Variants in DENND1A observed in about 807,000 individuals in gnomAD.
DENND1A encodes the protein DENN domain containing 1A.
In DENND1A, 51 loss-of-function variants were observed where a neutral mutation model predicts 113.7. The observed-to-expected ratio is 0.45, with a 90% confidence interval of 0.36 to 0.57. The LOEUF is 0.57. Ranked by LOEUF, DENND1A falls within the 20% of genes least tolerant of loss-of-function variation. The pLI is 0.00. For missense variants in DENND1A, 1,258 were observed against 1,395.9 expected, an observed-to-expected ratio of 0.90 and a Z score of 1.57; for synonymous variants, 565 against 570.8, an observed-to-expected ratio of 0.99 and a Z score of 0.14.
intron 5 of DENND1A, among the ~76,000 whole-genome samples, chr9:123,750,134 C>T (rs564384668): frequency 3.9e-5 from 6 of 152,312 alleles, no homozygotes; most frequent in South Asian, 2.1e-4. Flanking sequence ...CTTCCAACTG[C>T]GCAGCTTCCC....
At chr9:123,891,401 G>A (rs749952793) in intron 1 of DENND1A, among the ~76,000 whole-genome samples, 8 of 152,158 alleles carry the variant, frequency 5.3e-5, no homozygotes, top group Non-Finnish European at 1.2e-4. Flanking sequence ...AGATTCCCAG[G>A]TTCTACCACT....
chr9:123,753,838 G>A (rs2070284781), intron 5 of DENND1A, among the ~76,000 whole-genome samples: 1 of 152,182 alleles, frequency 6.6e-6, no homozygotes, highest in African/African-American at 2.4e-5. Flanking sequence ...GCCAGAGAGG[G>A]AATGATTACC....
intron 5 of DENND1A, among the ~76,000 whole-genome samples, chr9:123,691,153 G>A (rs538608059): frequency 1.3e-5 from 2 of 152,168 alleles, no homozygotes; most frequent in African/African-American, 4.8e-5. Context: ...AATCTGCAAG[G>A]CTGGATCATT....
chr9:123,737,459 A>G lies in DENND1A; in HGVS notation c.302+20244T>C, dbSNP rs554101966. ...TGCCTTGACCTCCCAAAGCACTAGGATTACAGATGTGAGCCACCACACCCA... is the reference window on the plus strand; with the variant it reads ...TGCCTTGACCTCCCAAAGCACTAGGGTTACAGATGTGAGCCACCACACCCA... On this transcript the variant is annotated intron_variant, in intron 5 of 23. Transcript: ENST00000394215. 5.1e-4 allele frequency among the ~76,000 whole-genome samples: 78 copies of G among 152,294 alleles called. No homozygotes were observed. In the Middle Eastern group the frequency reaches 0.017, roughly 33 times the overall value.
chr9:123,542,027 T>C (rs4838066), intron 13 of DENND1A, among the ~76,000 whole-genome samples: 26,839 of 152,188 alleles, frequency 0.18, 2,532 homozygotes, highest in African/African-American at 0.22. Context: ...TTCCTCTACC[T>C]GTGTGCCTCC....
At chr9:123,644,173 GA>G (rs1203251852) in intron 9 of DENND1A, among the ~76,000 whole-genome samples, 3 of 151,648 alleles carry the variant, frequency 2.0e-5, no homozygotes, top group Non-Finnish European at 4.4e-5. Flanking sequence ...AAGAACGAAT[GA>G]AAAAAATGAT....
At chr9:123,923,907 A>G (rs1400778373) in intron 1 of DENND1A, among the ~76,000 whole-genome samples, 1 of 152,218 alleles carries the variant, frequency 6.6e-6, no homozygotes, top group East Asian at 1.9e-4. Flanking sequence ...GAGTTACCAA[A>G]AGATCCAGCA....
At chr9:123,530,434 G>A (rs536033348) in intron 13 of DENND1A, among the ~76,000 whole-genome samples, 10 of 152,154 alleles carry the variant, frequency 6.6e-5, no homozygotes, top group East Asian at 1.9e-4. Context: ...TCAATGTACC[G>A]TTTCATACCC....
At chr9:123,585,282 C>T (rs1388244872) in intron 11 of DENND1A, among the ~76,000 whole-genome samples, 1 of 152,164 alleles carries the variant, frequency 6.6e-6, no homozygotes, top group Non-Finnish European at 1.5e-5. Context: ...ACACAATTGC[C>T]GATGTAGGAG....
At chr9:123,806,948 T>C (rs1467138127) in intron 2 of DENND1A, among the ~76,000 whole-genome samples, 1 of 152,172 alleles carries the variant, frequency 6.6e-6, no homozygotes, top group African/African-American at 2.4e-5. Flanking sequence ...AAGGAAATAG[T>C]CTGAAATGTA....
intron 8 of DENND1A, among the ~76,000 whole-genome samples, chr9:123,660,002 T>C (rs999997589): frequency 2.0e-5 from 3 of 152,248 alleles, no homozygotes; most frequent in Non-Finnish European, 4.4e-5. Context: ...TAATTTGCTA[T>C]ATATTTAAAA....
intron 2 of DENND1A, among the ~76,000 whole-genome samples, chr9:123,827,357 G>C (rs1839495690): frequency 6.7e-6 from 1 of 148,712 alleles, no homozygotes; most frequent in African/African-American, 2.5e-5. Flanking sequence ...AAAAGATTTT[G>C]TTGTGACCTT....
At chr9:123,903,496 C>T (rs530321655) in intron 1 of DENND1A, among the ~76,000 whole-genome samples, 11 of 151,930 alleles carry the variant, frequency 7.2e-5, no homozygotes, top group Admixed American at 3.3e-4. Context: ...AGACAGTGGG[C>T]GCAGGTCAGT....
chr9:123,824,676 C>A (rs776397263), intron 2 of DENND1A, among the ~76,000 whole-genome samples: 12 of 152,124 alleles, frequency 7.9e-5, no homozygotes, highest in Non-Finnish European at 1.5e-4. Flanking sequence ...ATAACACCAG[C>A]ATACCTCCCA....
At chr9:123,395,468 C>CTCTCTGTGTGTGTGCG (rs367751848) in intron 21 of DENND1A, among the ~76,000 whole-genome samples, 34 of 142,890 alleles carry the variant, frequency 2.4e-4, no homozygotes, top group African/African-American at 8.4e-4. Context: ...CTCTCTCTCT[C>CTCTCTGTGTGTGTGCG]TGTGTGTGTG....
intron 19 of DENND1A, among the ~76,000 whole-genome samples, chr9:123,428,790 C>T (rs1236749605): frequency 6.6e-6 from 1 of 152,130 alleles, no homozygotes. Flanking sequence ...CTCCCATTCA[C>T]AATTGCTACA....
intron 5 of DENND1A, among the ~76,000 whole-genome samples, chr9:123,739,508 A>G (rs1483754386): frequency 6.6e-6 from 1 of 152,220 alleles, no homozygotes; most frequent in East Asian, 1.9e-4. Context: ...AATTGAGAAA[A>G]GAAATGCGGT....
chr9:123,570,475 G>A (rs560734940), intron 12 of DENND1A, among the ~76,000 whole-genome samples: 1 of 152,306 alleles, frequency 6.6e-6, no homozygotes, highest in South Asian at 2.1e-4. Flanking sequence ...TGGTCTCCAT[G>A]CTCTGTAATA....
At chr9:123,492,976 G>A (rs539295272) in intron 13 of DENND1A, 2 of 152,364 alleles carry the variant, frequency 1.3e-5, no homozygotes, top group East Asian at 3.9e-4. Flanking sequence ...GAGGCTCTTG[G>A]GGAATAATGA....
Sources: gnomAD v4.1 joint callset for allele counts (sites outside exome capture counted in the v4.1 genomes callset) on GRCh38, gnomAD v4.1.1 for gene constraint, MANE v1.5 for transcripts, NCBI Gene and HGNC (gene_info 2026-07-23, HGNC 2026-07-21) for gene names.